MGAT5: variants seen among roughly 807,000 people sequenced by gnomAD.
The protein encoded by MGAT5 is alpha-1,6-mannosylglycoprotein 6-beta-N-acetylglucosaminyltransferase A.
A neutral mutation model predicts 94.3 loss-of-function variants in MGAT5; 30 were observed. That is an observed-to-expected ratio of 0.32 (90% CI 0.24 to 0.43). The LOEUF (loss-of-function observed/expected upper bound fraction) is 0.43, where lower values mean the gene tolerates loss of function less well. Among genes scored for constraint, MGAT5 ranks in the 20% least tolerant of loss-of-function variants. MGAT5 has a pLI of 1.00. For missense variants in MGAT5, 691 were observed against 905.5 expected, an observed-to-expected ratio of 0.76 and a Z score of 3.04; for synonymous variants, 310 against 322.9, an observed-to-expected ratio of 0.96 and a Z score of 0.43.
intron 11 of MGAT5, among the ~76,000 whole-genome samples, chr2:134,409,026 T>G (rs1683497623): frequency 6.6e-6 from 1 of 152,206 alleles, no homozygotes; most frequent in Non-Finnish European, 1.5e-5. Context: ...AGATACTTTA[T>G]GAAACAATGA....
intron 1 of MGAT5, among the ~76,000 whole-genome samples, chr2:134,139,249 G>A (rs1208159754): frequency 4.6e-5 from 7 of 152,204 alleles, no homozygotes; most frequent in Non-Finnish European, 8.8e-5. Flanking sequence ...TAAGAAAGAC[G>A]GAGTAAGAGT....
At chr2:134,325,189 A>C (rs1439111) in intron 4 of MGAT5, among the ~76,000 whole-genome samples, 25,332 of 151,930 alleles carry the variant, frequency 0.17, 2,788 homozygotes, top group African/African-American at 0.3. Flanking sequence ...CTCTACAAAA[A>C]TCAGAAGGGC....
chr2:134,393,763 G>A (rs376877252), intron 10 of MGAT5, among the ~76,000 whole-genome samples: 2 of 152,068 alleles, frequency 1.3e-5, no homozygotes. Flanking sequence ...ACTCTGTGCC[G>A]CCATGCTTCT....
intron 10 of MGAT5, among the ~76,000 whole-genome samples, chr2:134,379,170 T>C (rs929863742): frequency 6.6e-6 from 1 of 152,220 alleles, no homozygotes; most frequent in African/African-American, 2.4e-5. Context: ...ATGTCTACAC[T>C]TTTGCTGTAA....
upstream of MGAT5, among the ~76,000 whole-genome samples, chr2:134,251,107 CT>C (rs968628041): frequency 1.1e-4 from 16 of 151,766 alleles, no homozygotes; most frequent in African/African-American, 3.9e-4. Context: ...GAAAAATCAC[CT>C]TTTTTGATGT....
intron 2 of MGAT5, among the ~76,000 whole-genome samples, chr2:134,299,593 G>A (rs1685896534): frequency 3.3e-5 from 5 of 152,120 alleles, no homozygotes; most frequent in Admixed American, 2.6e-4. Context: ...TGAACTACAA[G>A]TGTTGGTAAA....
In MGAT5 at chr2:134,237,123, A is replaced by ATGTGTATGTATGTG. The variant is rs367744090; in HGVS notation, c.-142-17134_-142-17133insATGTATGTGTGTGT. ...TAGGTAGGTTATGTAGAAGGAGTATATGTGTGTGTGTGTGTGTGTGTGTGT... is the reference window on the plus strand; with the variant it reads ...TAGGTAGGTTATGTAGAAGGAGTATATGTGTATGTATGTGTGTGTGTGTGTGTGTGTGTGTGTGT... On this transcript the variant is annotated intron_variant, in intron 1 of 16. Transcript: ENST00000409645. 4.3e-4 allele frequency among the ~76,000 whole-genome samples: 61 copies of ATGTGTATGTATGTG among 140,720 alleles called. 1 individual carries two copies. In the South Asian group the frequency reaches 0.01, roughly 23 times the overall value. 92.3% of individuals were successfully genotyped at this position (140,720 alleles called of 152,430 possible). A position where few individuals can be genotyped will look rare whatever the true frequency, so the allele number is the denominator to read the frequency against.
chr2:134,212,231 C>A (rs1208180916), intron 1 of MGAT5, among the ~76,000 whole-genome samples: 1 of 4,422 alleles, frequency 2.3e-4, no homozygotes, highest in Non-Finnish European at 3.1e-4. Flanking sequence ...TTGCCTTCTG[C>A]TAGCTTTTGA....
chr2:134,305,318 G>A (rs1452237395), intron 2 of MGAT5, among the ~76,000 whole-genome samples: 1 of 152,180 alleles, frequency 6.6e-6, no homozygotes, highest in East Asian at 1.9e-4. Flanking sequence ...CTTGCCTCTA[G>A]ATGTCTGGCT....
chr2:134,131,996 C>T (rs915673746), intron 1 of MGAT5, among the ~76,000 whole-genome samples: 6 of 152,208 alleles, frequency 3.9e-5, no homozygotes, highest in Admixed American at 2.6e-4. Context: ...TTACCTGAAT[C>T]ACCCACTGGC....
intron 4 of MGAT5, among the ~76,000 whole-genome samples, chr2:134,330,489 C>G (rs528135617): frequency 6.6e-6 from 1 of 151,850 alleles, no homozygotes; most frequent in South Asian, 2.1e-4. Context: ...TAAGCCTTGA[C>G]TTCATCCCAT....
rs139207290 is a variant in MGAT5, at chr2:134,334,883, T to C, written c.574-1334T>C. Among the ~76,000 whole-genome samples, 379 of 152,284 alleles carry C rather than the reference T, an allele frequency of 2.5e-3. 6 individuals carry two copies. Among genetic ancestry groups the C allele is most frequent in the East Asian group, 0.023 (119 of 5,182 alleles). ...TGAGTAAAAACCATTTTAGCTTTCC[T>C]TGTGGGGAATCCTTTTGAGTCTCTG... On this transcript the variant is annotated intron_variant, in intron 4 of 15. Transcript: ENST00000281923.
chr2:134,150,628 G>A (rs1687127976), intron 1 of MGAT5, among the ~76,000 whole-genome samples: 1 of 152,146 alleles, frequency 6.6e-6, no homozygotes, highest in African/African-American at 2.4e-5. Context: ...AGAGAAGAGT[G>A]GCTACCTCCA....
At chr2:134,323,893 G>A (rs1055402848) in intron 4 of MGAT5, among the ~76,000 whole-genome samples, 1 of 152,036 alleles carries the variant, frequency 6.6e-6, no homozygotes, top group Non-Finnish European at 1.5e-5. Context: ...TTCATTTTCT[G>A]TATCTGTTTT....
At chr2:134,309,157 C>T (rs1686503934) in intron 2 of MGAT5, among the ~76,000 whole-genome samples, 1 of 152,222 alleles carries the variant, frequency 6.6e-6, no homozygotes, top group Non-Finnish European at 1.5e-5. Flanking sequence ...ATTAGCACCT[C>T]ATTCCTTTTA....
chr2:134,438,837 C>G (rs1685316545), intron 14 of MGAT5, among the ~76,000 whole-genome samples: 2 of 152,156 alleles, frequency 1.3e-5, no homozygotes, highest in African/African-American at 4.8e-5. Flanking sequence ...GAAGAGTAAG[C>G]TGCATCCTAA....
chr2:134,129,364 C>T (rs546903420), intron 1 of MGAT5, among the ~76,000 whole-genome samples: 27 of 152,280 alleles, frequency 1.8e-4, no homozygotes, highest in African/African-American at 5.1e-4. Flanking sequence ...GTTAATGCAG[C>T]GTAATCTCCC....
At position 134,127,608 on chromosome 2, in the gene MGAT5, C is replaced by T. The variant is rs145550942; in HGVS notation, c.-143+7317C>T. On this transcript the variant is annotated intron_variant, in intron 1 of 16. Transcript: ENST00000409645. ...ATGGGTACAGGCTGGAAGCTCCAGG[C>T]CTGGCGTGCTGGAGTCACGAGATGA... Among the ~76,000 whole-genome samples the T allele has an allele frequency of 3.5e-3, 533 of 150,918 alleles. 5 individuals are homozygous for T. Among genetic ancestry groups the T allele is most frequent in the African/African-American group, 0.013 (520 of 41,234 alleles).
Position 134,451,051 on chromosome 2 carries a change from T to C in MGAT5, c.*2204T>C, listed in dbSNP as rs561400432. 30 of 152,162 alleles carry C rather than the reference T, an allele frequency of 2.0e-4. No homozygotes were observed. Among genetic ancestry groups the C allele is most frequent in the African/African-American group, 7.2e-4 (30 of 41,510 alleles). 9.4% of individuals were successfully genotyped at this position (152,162 alleles called of 1,614,324 possible). The stretch of plus-strand genomic sequence containing the variant: ...GAGCATTGAACACTGAGGATGTCAA[T>C]GCAAGTATCTGACCAACAGGGGGAG... On this transcript the variant is annotated 3_prime_UTR_variant, in exon 16 of 16. Transcript: ENST00000281923.
Sources: gnomAD v4.1 joint callset for allele counts (sites outside exome capture counted in the v4.1 genomes callset) on GRCh38, gnomAD v4.1.1 for gene constraint, MANE v1.5 for transcripts, NCBI Gene and HGNC (gene_info 2026-07-23, HGNC 2026-07-21) for gene names.